CHRNA7: variants seen among roughly 807,000 people sequenced by gnomAD.
The protein encoded by CHRNA7 is neuronal acetylcholine receptor subunit alpha-7.
A neutral mutation model predicts 48.0 loss-of-function variants in CHRNA7; 17 were observed. That is an observed-to-expected ratio of 0.35 (90% confidence interval 0.24 to 0.53). The LOEUF (loss-of-function observed/expected upper bound fraction) is 0.53, where lower values mean the gene tolerates loss of function less well. Among genes scored for constraint, CHRNA7 ranks in the 20% least tolerant of loss-of-function variants. The pLI is 0.92. For synonymous variants in CHRNA7, 75 were observed against 242.3 expected (o/e 0.31, Z 6.41); for missense variants, 155 against 577.7 (o/e 0.27, Z 7.50).
intron 2 of CHRNA7, among the ~76,000 whole-genome samples, chr15:32,039,757 A>T (rs546964134): frequency 1.1e-4 from 16 of 152,244 alleles, no homozygotes; most frequent in African/African-American, 3.8e-4. Flanking sequence ...GATGTTGCTT[A>T]TATCCAATTG....
At chr15:32,145,658 C>A (rs188558923) in intron 4 of CHRNA7, among the ~76,000 whole-genome samples, 1 of 152,304 alleles carries the variant, frequency 6.6e-6, no homozygotes, top group Non-Finnish European at 1.5e-5. Flanking sequence ...CAGGCTGTAG[C>A]CTCACAGATC....
At chr15:32,107,749 T>C (rs2050694560) in intron 3 of CHRNA7, among the ~76,000 whole-genome samples, 1 of 152,152 alleles carries the variant, frequency 6.6e-6, no homozygotes, top group South Asian at 2.1e-4. Context: ...CAAGAGTGTT[T>C]ATAACCCCGT....
chr15:32,101,451 G>T, intron 3 of CHRNA7, 104 bp downstream of exon 3: 6 of 1,085,536 alleles, frequency 5.5e-6, no homozygotes, highest in South Asian at 3.6e-5. Context: ...TCCTGTTTAG[G>T]AAAAAAAACC....
At chr15:32,063,069 A>G (rs970725605) in intron 2 of CHRNA7, among the ~76,000 whole-genome samples, 33 of 152,320 alleles carry the variant, frequency 2.2e-4, no homozygotes, top group African/African-American at 7.9e-4. Context: ...AATAAAAGAT[A>G]AAAGAATGAT....
chr15:32,142,247 G>A (rs1189255353), intron 4 of CHRNA7, among the ~76,000 whole-genome samples: 1 of 152,168 alleles, frequency 6.6e-6, no homozygotes, highest in African/African-American at 2.4e-5. Flanking sequence ...TATTGAACCA[G>A]CCTTGCATCC....
intron 4 of CHRNA7, among the ~76,000 whole-genome samples, chr15:32,138,764 T>TTTTGTTTTGTTTTGC (rs1332803566): frequency 2.6e-5 from 4 of 151,906 alleles, no homozygotes; most frequent in African/African-American, 9.7e-5. Context: ...TTTTGTTTTG[T>TTTTGTTTTGTTTTGC]TTTGTTTGAG....
At chr15:32,041,488 G>A (rs978943920) in intron 2 of CHRNA7, among the ~76,000 whole-genome samples, 2 of 152,188 alleles carry the variant, frequency 1.3e-5, no homozygotes, top group Non-Finnish European at 2.9e-5. Flanking sequence ...GACCGGAGGC[G>A]GAGCTCAGGC....
chr15:32,055,228 CTCTT>C (rs1233914024), intron 2 of CHRNA7, among the ~76,000 whole-genome samples: 1 of 148,506 alleles, frequency 6.7e-6, no homozygotes, highest in Non-Finnish European at 1.5e-5. Flanking sequence ...ATTTCTCTCT[CTCTT>C]TTTTTTTTGT....
Position 32,030,931 on chromosome 15 carries a change from A to T in CHRNA7, c.89A>T (p.Tyr30Phe). The change falls in exon 2 of 10, where the codon TAC (tyrosine) becomes TTC (phenylalanine). Residue 30 changes from tyrosine (Y) to phenylalanine (F), a missense_variant. Transcript: ENST00000306901. ...SLQGEFQRKLYKELVKNYNPL... is the reference protein window; with the variant it reads ...SLQGEFQRKLFKELVKNYNPL... ...CAAGGCGAGTTCCAGAGGAAGCTTT[A>T]CAAGGAGCTGGTCAAGAACTACAAT... The T allele has an allele frequency of 6.2e-7, 1 of 1,614,104 alleles. No homozygotes were observed. The highest frequency in any genetic ancestry group is 8.5e-7 in the Non-Finnish European group (1 of 1,179,984).
intron 4 of CHRNA7, among the ~76,000 whole-genome samples, chr15:32,144,794 T>C (rs1022269777): frequency 2.0e-5 from 3 of 152,188 alleles, no homozygotes; most frequent in Admixed American, 2.0e-4. Context: ...CTCTATACTA[T>C]TCATTCTAGT....
chr15:32,058,573 G>A (rs940783000), intron 2 of CHRNA7, among the ~76,000 whole-genome samples: 4 of 152,144 alleles, frequency 2.6e-5, no homozygotes, highest in Admixed American at 2.0e-4. Flanking sequence ...TAGAGTGCTC[G>A]AAACTTAGTC....
At chr15:32,083,822 G>C (rs1024129820) in intron 2 of CHRNA7, among the ~76,000 whole-genome samples, 1 of 152,172 alleles carries the variant, frequency 6.6e-6, no homozygotes, top group African/African-American at 2.4e-5. Context: ...AACGCAATTT[G>C]GTTCCTGATT....
At chr15:32,070,930 G>T (rs1384239997) in intron 2 of CHRNA7, among the ~76,000 whole-genome samples, 1 of 151,672 alleles carries the variant, frequency 6.6e-6, no homozygotes, top group Non-Finnish European at 1.5e-5. Flanking sequence ...TTCATGATCC[G>T]CCCATCTCAG....
At chr15:32,114,036 A>ATATG in intron 4 of CHRNA7, among the ~76,000 whole-genome samples, 1 of 80,264 alleles carries the variant, frequency 1.2e-5, no homozygotes, top group African/African-American at 4.8e-5. Context: ...ATATATATAT[A>ATATG]TATATATGTA....
intron 4 of CHRNA7, among the ~76,000 whole-genome samples, chr15:32,143,869 T>C (rs1382578988): frequency 6.6e-6 from 1 of 152,242 alleles, no homozygotes; most frequent in East Asian, 1.9e-4. Context: ...TGACTCTTTA[T>C]CCAATATTCT....
chr15:32,145,219 C>G (rs1566872633), intron 4 of CHRNA7, among the ~76,000 whole-genome samples: 1 of 152,218 alleles, frequency 6.6e-6, no homozygotes, highest in Non-Finnish European at 1.5e-5. Flanking sequence ...ACTCCAGACC[C>G]TGTTTGCCTG....
intron 2 of CHRNA7, among the ~76,000 whole-genome samples, chr15:32,050,986 T>C (rs1431859813): frequency 1.3e-5 from 2 of 152,178 alleles, no homozygotes; most frequent in Non-Finnish European, 2.9e-5. Flanking sequence ...CGAATGCTGC[T>C]GTCTGATCGT....
intron 3 of CHRNA7, among the ~76,000 whole-genome samples, chr15:32,104,664 T>C (rs996064662): frequency 2.0e-5 from 3 of 152,144 alleles, no homozygotes; most frequent in African/African-American, 7.2e-5. Flanking sequence ...CAAAGAACTT[T>C]TGCCGAATGA....
intron 2 of CHRNA7, among the ~76,000 whole-genome samples, chr15:32,069,098 T>A (rs11071532): frequency 0.8 from 122,162 of 152,128 alleles, 50,556 homozygotes; most frequent in South Asian, 0.91. Context: ...TTAGACTTAA[T>A]AATAGAGTTA....
Sources: gnomAD v4.1 joint callset for allele counts (sites outside exome capture counted in the v4.1 genomes callset) on GRCh38, gnomAD v4.1.1 for gene constraint, MANE v1.5 for transcripts, NCBI Gene and HGNC (gene_info 2026-07-23, HGNC 2026-07-21) for gene names.